Variants in ST18 observed in about 807,000 individuals in gnomAD.
ST18 encodes ST18 C2H2C-type zinc finger transcription factor.
Under a neutral mutation model 110.0 loss-of-function variants are expected in ST18, and 50 were observed. The observed-to-expected ratio is 0.45, with a 90% confidence interval of 0.36 to 0.58. The LOEUF (loss-of-function observed/expected upper bound fraction) is 0.58. Ranked by LOEUF, ST18 falls within the 20% of genes least tolerant of loss-of-function variation. ST18 has a pLI of 0.00. For synonymous variants in ST18, 461 were observed against 452.4 expected, an observed-to-expected ratio of 1.02 and a Z score of -0.24; for missense variants, 1,306 against 1,280.1, an observed-to-expected ratio of 1.02 and a Z score of -0.31.
chr8:52,388,839 T>C (rs1471189948), intron 2 of ST18, among the ~76,000 whole-genome samples: 2 of 137,424 alleles, frequency 1.5e-5, no homozygotes, highest in African/African-American at 5.4e-5. Flanking sequence ...GGGGGAGGGA[T>C]AGCTTTAGGA....
intron 2 of ST18, among the ~76,000 whole-genome samples, chr8:52,259,147 C>A (rs1319102596): frequency 6.6e-6 from 1 of 152,140 alleles, no homozygotes; most frequent in Non-Finnish European, 1.5e-5. Flanking sequence ...TCAGTAACAG[C>A]CTGGCAGGGC....
At chr8:52,401,399 T>G (rs2141097708) in intron 2 of ST18, among the ~76,000 whole-genome samples, 1 of 152,322 alleles carries the variant, frequency 6.6e-6, no homozygotes, top group Non-Finnish European at 1.5e-5. Flanking sequence ...AGCAACTCAT[T>G]TGTTAAATAA....
At chr8:52,157,525 AT>A (rs1405324870) in intron 15 of ST18, among the ~76,000 whole-genome samples, 1 of 152,232 alleles carries the variant, frequency 6.6e-6, no homozygotes, top group East Asian at 1.9e-4. Context: ...GATTAAAAAA[AT>A]GAATTTAAAA....
intron 8 of ST18, among the ~76,000 whole-genome samples, chr8:52,209,788 A>AAAT (rs1554719674): frequency 0.013 from 1,360 of 105,606 alleles, 14 homozygotes; most frequent in Non-Finnish European, 0.017. Flanking sequence ...AAAAAAAAAA[A>AAAT]ATATATATAT....
At chr8:52,182,626 G>A (rs577754748) in intron 8 of ST18, among the ~76,000 whole-genome samples, 22 of 152,198 alleles carry the variant, frequency 1.4e-4, no homozygotes, top group South Asian at 4.1e-4. Context: ...GGTGGTTGCC[G>A]GGGGATGAGG....
intron 2 of ST18, among the ~76,000 whole-genome samples, chr8:52,237,114 T>C (rs6473695): frequency 0.23 from 35,645 of 152,092 alleles, 4,853 homozygotes; most frequent in African/African-American, 0.37. Flanking sequence ...TGAGATGCCA[T>C]GGATAAAAGG....
chr8:52,119,927 AAAAC>A (rs148560382), intron 23 of ST18, among the ~76,000 whole-genome samples: 262 of 152,326 alleles, frequency 1.7e-3, no homozygotes, highest in African/African-American at 6.1e-3. Context: ...TGAAAAAAGG[AAAAC>A]AAACCAACAT....
chr8:52,183,541 A>G (rs757581303), intron 8 of ST18, among the ~76,000 whole-genome samples: 1 of 152,230 alleles, frequency 6.6e-6, no homozygotes, highest in Non-Finnish European at 1.5e-5. Flanking sequence ...CTTAAGTAAT[A>G]CTAGCTGTGT....
chr8:52,305,636 A>C (rs1016778719), intron 2 of ST18, among the ~76,000 whole-genome samples: 1 of 152,184 alleles, frequency 6.6e-6, no homozygotes, highest in African/African-American at 2.4e-5. Flanking sequence ...CAATCCATCC[A>C]TCCAGATGCT....
At chr8:52,394,589 C>G (rs1226527877) in intron 2 of ST18, among the ~76,000 whole-genome samples, 1 of 152,172 alleles carries the variant, frequency 6.6e-6, no homozygotes, top group Admixed American at 6.5e-5. Flanking sequence ...CCTATGCTCT[C>G]TGTAAGACAA....
At chr8:52,317,868 C>T (rs1340535256) in intron 2 of ST18, among the ~76,000 whole-genome samples, 2 of 152,156 alleles carry the variant, frequency 1.3e-5, no homozygotes, top group Admixed American at 6.6e-5. Flanking sequence ...AGAAATATTA[C>T]GTGGAATATT....
At chr8:52,327,359 G>A (rs1002276486) in intron 2 of ST18, among the ~76,000 whole-genome samples, 4 of 152,122 alleles carry the variant, frequency 2.6e-5, no homozygotes, top group African/African-American at 9.7e-5. Flanking sequence ...GCTCTTTCTT[G>A]AATTCTGTCC....
chr8:52,328,355 G>A (rs986715947), intron 2 of ST18, among the ~76,000 whole-genome samples: 5 of 152,168 alleles, frequency 3.3e-5, no homozygotes, highest in Admixed American at 1.3e-4. Context: ...ATATGGCCAC[G>A]AGGCTTAGAC....
At chr8:52,377,186 A>C (rs1183746844) in intron 2 of ST18, among the ~76,000 whole-genome samples, 3 of 152,220 alleles carry the variant, frequency 2.0e-5, no homozygotes, top group Non-Finnish European at 4.4e-5. Context: ...AAAATATTTC[A>C]AACTAGAAAA....
intron 23 of ST18, 123 bp from the exon 24 acceptor site, chr8:52,118,564 T>C: frequency 1.8e-6 from 1 of 547,640 alleles, no homozygotes; most frequent in South Asian, 3.1e-5. Context: ...ACCAAAACAA[T>C]GCATATCTAG....
chr8:52,386,553 C>G (rs989307659), intron 2 of ST18, among the ~76,000 whole-genome samples: 2 of 151,268 alleles, frequency 1.3e-5, no homozygotes, highest in Non-Finnish European at 2.9e-5. Context: ...AATGTTAAAA[C>G]AAAATTGTTA....
rs1468606292 is a variant in ST18, at chr8:52,172,454, A to C, written c.407T>G (p.Phe136Cys). 2.5e-6 allele frequency: 4 copies of C among 1,613,556 alleles called. No individual in the cohort carries two copies. In the African/African-American group the frequency reaches 5.3e-5, roughly 22 times the overall value. The change falls in exon 10 of 26, where the codon TTT becomes TGT. Residue 136 changes from phenylalanine to cysteine, a missense_variant. Coordinates refer to ENST00000689386, the MANE Select transcript of ST18 (RefSeq NM_001352837.2). ...MVKSLMHLGK[F>C]EKNVSVQTVS... The stretch of plus-strand genomic sequence containing the variant: ...AGTCTGAACAGATACATTTTTTTCA[A>C]ATTTCCCCAAGTGCATTAAAGACTT...
intron 3 of ST18, among the ~76,000 whole-genome samples, chr8:52,226,287 C>A (rs1429469763): frequency 6.6e-6 from 1 of 152,168 alleles, no homozygotes; most frequent in Non-Finnish European, 1.5e-5. Flanking sequence ...CAGAGCAATG[C>A]ATTGCTGTCT....
At chr8:52,351,886 A>T (rs1388074619) in intron 2 of ST18, among the ~76,000 whole-genome samples, 2 of 152,238 alleles carry the variant, frequency 1.3e-5, no homozygotes, top group African/African-American at 4.8e-5. Flanking sequence ...ACTTCATGTT[A>T]TGCAGTCACA....
Sources: gnomAD v4.1 joint callset for allele counts (sites outside exome capture counted in the v4.1 genomes callset) on GRCh38, gnomAD v4.1.1 for gene constraint, MANE v1.5 for transcripts, NCBI Gene and HGNC (gene_info 2026-07-23, HGNC 2026-07-21) for gene names.